GPM6A: variants seen among roughly 807,000 people sequenced by gnomAD.
GPM6A encodes neuronal membrane glycoprotein M6-a.
A neutral mutation model predicts 32.1 loss-of-function variants in GPM6A; 7 were observed. The ratio of observed to expected loss-of-function variants is 0.22; its 90% CI spans 0.12 to 0.41. GPM6A has a LOEUF of 0.41. GPM6A is among the 10% of genes least tolerant of loss of function. The pLI is 1.00. For missense variants in GPM6A, 235 were observed against 347.2 expected, an observed-to-expected ratio of 0.68 and a Z score of 2.57; for synonymous variants, 130 against 123.4, an observed-to-expected ratio of 1.05 and a Z score of -0.35.
chr4:175,675,758 T>C (rs563645387), intron 2 of GPM6A, among the ~76,000 whole-genome samples: 1 of 152,236 alleles, frequency 6.6e-6, no homozygotes, highest in Admixed American at 6.5e-5. Context: ...CAAGTGATCC[T>C]CTCGCCTCAG....
chr4:175,911,861 G>C (rs966791212), intron 1 of GPM6A, among the ~76,000 whole-genome samples: 12 of 152,210 alleles, frequency 7.9e-5, no homozygotes, highest in African/African-American at 2.9e-4. Flanking sequence ...AAGTTTAGAT[G>C]TCAAAAAAAT....
At chr4:175,669,404 A>T (rs1013455666) in intron 3 of GPM6A, among the ~76,000 whole-genome samples, 10 of 151,896 alleles carry the variant, frequency 6.6e-5, no homozygotes, top group South Asian at 2.1e-4. Flanking sequence ...TGAATTTCAA[A>T]TTTTTTTTAG....
chr4:175,890,504 T>C (rs1228800646), intron 1 of GPM6A, among the ~76,000 whole-genome samples: 2 of 109,818 alleles, frequency 1.8e-5, no homozygotes, highest in African/African-American at 2.7e-5. Flanking sequence ...TTTTATTTTA[T>C]TTTATTTTAT....
At chr4:175,815,392 C>A (rs1279757974), upstream of GPM6A, among the ~76,000 whole-genome samples, 1 of 152,046 alleles carries the variant, frequency 6.6e-6, no homozygotes, top group Non-Finnish European at 1.5e-5. Flanking sequence ...TATTTTGAAC[C>A]TCCAGTATCT....
chr4:175,965,077 G>A (rs899455052), intron 1 of GPM6A, among the ~76,000 whole-genome samples: 6 of 152,158 alleles, frequency 3.9e-5, no homozygotes, highest in Admixed American at 2.0e-4. Flanking sequence ...TCTAATTGAC[G>A]TTTATGGACT....
chr4:175,900,834 A>C (rs13103874), intron 1 of GPM6A, among the ~76,000 whole-genome samples: 70,918 of 151,930 alleles, frequency 0.47, 16,960 homozygotes, highest in Admixed American at 0.53. Context: ...ATGTTTGTTG[A>C]AGCACTGTTT....
At chr4:175,795,189 G>C (rs1344163978) in intron 1 of GPM6A, among the ~76,000 whole-genome samples, 2 of 152,278 alleles carry the variant, frequency 1.3e-5, no homozygotes, top group African/African-American at 2.4e-5. Flanking sequence ...CATAAATGAT[G>C]ACAGATGTGA....
intron 1 of GPM6A, among the ~76,000 whole-genome samples, chr4:175,886,580 G>A (rs536184139): frequency 1.5e-4 from 23 of 151,914 alleles, no homozygotes; most frequent in Non-Finnish European, 2.8e-4. Flanking sequence ...TTAAGACTGC[G>A]TCACATCATT....
intron 2 of GPM6A, among the ~76,000 whole-genome samples, chr4:175,688,387 T>C (rs1258820490): frequency 6.6e-6 from 1 of 152,242 alleles, no homozygotes; most frequent in Non-Finnish European, 1.5e-5. Context: ...TGGTGTAATA[T>C]AAGCATTCAA....
At chr4:175,653,902 C>A in intron 3 of GPM6A, among the ~76,000 whole-genome samples, 1 of 152,080 alleles carries the variant, frequency 6.6e-6, no homozygotes, top group East Asian at 1.9e-4. Context: ...TTTATCCTTT[C>A]TTTCTGGAAC....
intron 1 of GPM6A, among the ~76,000 whole-genome samples, chr4:175,930,538 A>C (rs1739003280): frequency 6.6e-6 from 1 of 151,958 alleles, no homozygotes; most frequent in Non-Finnish European, 1.5e-5. Flanking sequence ...AGCTAAATTT[A>C]GACAATTATA....
At chr4:175,711,457 T>TATATATATATACAC (rs1303046650) in intron 1 of GPM6A, among the ~76,000 whole-genome samples, 2 of 28,002 alleles carry the variant, frequency 7.1e-5, no homozygotes, top group Non-Finnish European at 8.7e-5. Flanking sequence ...TATATATATA[T>TATATATATATACAC]ACACACACAT....
intron 1 of GPM6A, among the ~76,000 whole-genome samples, chr4:175,939,578 C>T (rs1739342221): frequency 6.6e-6 from 1 of 152,226 alleles, no homozygotes; most frequent in African/African-American, 2.4e-5. Flanking sequence ...TTAAATAGTT[C>T]ACTAATTTTA....
chr4:175,785,376 G>A (rs1733761360), intron 1 of GPM6A, among the ~76,000 whole-genome samples: 1 of 152,118 alleles, frequency 6.6e-6, no homozygotes. Context: ...TAGAACAGAA[G>A]AATGAATCAG....
chr4:175,988,488 A>G (rs1296914943), intron 1 of GPM6A, among the ~76,000 whole-genome samples: 4 of 152,280 alleles, frequency 2.6e-5, no homozygotes, highest in Admixed American at 2.0e-4. Context: ...ATATTCAAAG[A>G]CTAAAGAACC....
At chr4:175,865,229 T>C (rs1271881193) in intron 1 of GPM6A, among the ~76,000 whole-genome samples, 1 of 152,246 alleles carries the variant, frequency 6.6e-6, no homozygotes, top group Non-Finnish European at 1.5e-5. Flanking sequence ...TTGAAAACAC[T>C]GTTGAAAATC....
chr4:175,993,356 A>G (rs989722026), intron 1 of GPM6A, among the ~76,000 whole-genome samples: 67 of 151,852 alleles, frequency 4.4e-4, no homozygotes, highest in African/African-American at 1.5e-3. Flanking sequence ...ACTGTAGGTC[A>G]CTCACTTCTT....
At chr4:175,658,421 G>T (rs965210436) in intron 3 of GPM6A, among the ~76,000 whole-genome samples, 4 of 152,088 alleles carry the variant, frequency 2.6e-5, no homozygotes, top group Non-Finnish European at 5.9e-5. Context: ...GTGTAGGGGG[G>T]GTGAGAGGGC....
chr4:175,890,796 T>A (rs1737624863), intron 1 of GPM6A, among the ~76,000 whole-genome samples: 3 of 152,118 alleles, frequency 2.0e-5, no homozygotes, highest in Admixed American at 1.3e-4. Context: ...CCTCAAGTGA[T>A]CCTTCCACTT....
Sources: allele counts gnomAD v4.1 joint callset (sites outside exome capture counted in the v4.1 genomes callset), GRCh38; gene constraint gnomAD v4.1.1; transcripts MANE v1.5; gene names NCBI Gene and HGNC (gene_info 2026-07-23, HGNC 2026-07-21).